The following AGBL4 variants were observed in gnomAD, a reference collection of about 807,000 sequenced individuals.
AGBL4 encodes the protein AGBL carboxypeptidase 4.
A neutral mutation model predicts 66.4 loss-of-function variants in AGBL4; 58 were observed. That is an observed-to-expected ratio of 0.87 (90% CI 0.71 to 1.09). AGBL4 has a LOEUF of 1.09. Among genes scored for constraint, AGBL4 ranks in the 50% least tolerant of loss-of-function variants. The probability of loss-of-function intolerance (pLI) is 0.00; values close to 1 mark genes in which losing one functional copy is unlikely to be tolerated. For missense variants in AGBL4, 579 were observed against 631.0 expected (o/e 0.92, Z 0.88); for synonymous variants, 234 against 222.9 (o/e 1.05, Z -0.44).
chr1:49,940,712 T>G (rs1323463095), intron 1 of AGBL4, among the ~76,000 whole-genome samples: 2 of 149,052 alleles, frequency 1.3e-5, no homozygotes, highest in East Asian at 4.0e-4. Context: ...GGGGTGGGGG[T>G]ATGGGGGAGG....
chr1:48,984,844 G>A (rs1244953620), intron 5 of AGBL4, among the ~76,000 whole-genome samples: 1 of 151,896 alleles, frequency 6.6e-6, no homozygotes, highest in Admixed American at 6.6e-5. Context: ...ATAGTGAACA[G>A]GGAAGGCCTT....
At chr1:48,848,200 C>T (rs547924994) in intron 6 of AGBL4, among the ~76,000 whole-genome samples, 3 of 152,230 alleles carry the variant, frequency 2.0e-5, no homozygotes, top group Non-Finnish European at 4.4e-5. Flanking sequence ...GTGAAAACCA[C>T]TATTCCCCTT....
chr1:48,736,389 C>T lies in AGBL4; in HGVS notation c.635-73148G>A, dbSNP rs1478641396. The T allele has an allele frequency of 6.2e-7, 1 of 1,614,118 alleles. No homozygotes were observed. The highest frequency in any genetic ancestry group is 1.1e-5 in the South Asian group (1 of 91,084). ...AAGTTCTTCGTGTACTTGGAATCTCCTTGGGTTACTTGTAGCTGGTGCCAT... is the reference window on the plus strand; with the variant it reads ...AAGTTCTTCGTGTACTTGGAATCTCTTTGGGTTACTTGTAGCTGGTGCCAT... On this transcript the variant is annotated intron_variant, in intron 6 of 13. Transcript: ENST00000371839. The surrounding 1 kb of genome is among the most constrained non-coding windows in gnomAD (Gnocchi z 4.0).
intron 4 of AGBL4, among the ~76,000 whole-genome samples, chr1:49,103,786 A>G (rs947074314): frequency 1.2e-4 from 19 of 152,298 alleles, no homozygotes; most frequent in African/African-American, 4.3e-4. Flanking sequence ...GGTCATCTAG[A>G]AAAACATGTT....
At chr1:49,072,941 C>A (rs778479189) in intron 4 of AGBL4, among the ~76,000 whole-genome samples, 9 of 152,120 alleles carry the variant, frequency 5.9e-5, no homozygotes, top group Non-Finnish European at 1.0e-4. Context: ...TTGTTCATTT[C>A]TTTTCACTCT....
intron 3 of AGBL4, among the ~76,000 whole-genome samples, chr1:49,346,608 G>T (rs1033510932): frequency 1.3e-5 from 2 of 152,124 alleles, no homozygotes; most frequent in Non-Finnish European, 2.9e-5. Flanking sequence ...TTCACCTTTT[G>T]TTGGGATTCA....
intron 1 of AGBL4, among the ~76,000 whole-genome samples, chr1:49,884,821 A>AAC (rs1376226261): frequency 1.3e-5 from 2 of 151,926 alleles, no homozygotes; most frequent in African/African-American, 4.8e-5. Flanking sequence ...GAAAATTATG[A>AAC]ACATATTTTG....
chr1:49,625,878 G>A (rs1645454677), intron 3 of AGBL4, among the ~76,000 whole-genome samples: 1 of 152,086 alleles, frequency 6.6e-6, no homozygotes, highest in Non-Finnish European at 1.5e-5. Flanking sequence ...GCCATGTAGA[G>A]GTATTTATAA....
At chr1:49,847,763 G>A (rs984655528) in intron 2 of AGBL4, among the ~76,000 whole-genome samples, 6 of 151,236 alleles carry the variant, frequency 4.0e-5, no homozygotes, top group Non-Finnish European at 5.9e-5. Flanking sequence ...GGGCAGTGGC[G>A]CGATCTCGGC....
intron 2 of AGBL4, among the ~76,000 whole-genome samples, chr1:49,805,735 A>G (rs1372839776): frequency 6.6e-6 from 1 of 152,190 alleles, no homozygotes; most frequent in Admixed American, 6.6e-5. Flanking sequence ...TGGATCCTTC[A>G]TAGATAAGAT....
At chr1:49,301,185 A>G (rs567367079) in intron 3 of AGBL4, among the ~76,000 whole-genome samples, 34 of 152,342 alleles carry the variant, frequency 2.2e-4, no homozygotes, top group African/African-American at 8.2e-4. Context: ...CATTTCAGCT[A>G]GGAGCTATCA....
At chr1:48,673,690 C>A (rs1443450600) in intron 6 of AGBL4, among the ~76,000 whole-genome samples, 1 of 152,216 alleles carries the variant, frequency 6.6e-6, no homozygotes, top group Non-Finnish European at 1.5e-5. Flanking sequence ...ACAAACCAAC[C>A]CATGCCTTGC....
intron 5 of AGBL4, among the ~76,000 whole-genome samples, chr1:48,968,952 C>T (rs1274051817): frequency 6.6e-6 from 1 of 152,124 alleles, no homozygotes; most frequent in African/African-American, 2.4e-5. Flanking sequence ...TCCAAAATAA[C>T]ATGTATTTAA....
At chr1:49,294,080 A>G (rs1644595380) in intron 3 of AGBL4, among the ~76,000 whole-genome samples, 1 of 152,224 alleles carries the variant, frequency 6.6e-6, no homozygotes, top group African/African-American at 2.4e-5. Flanking sequence ...ATGAAGTACT[A>G]GAGAAAGCAC....
At chr1:49,124,672 T>C (rs1280633138) in intron 4 of AGBL4, among the ~76,000 whole-genome samples, 1 of 152,212 alleles carries the variant, frequency 6.6e-6, no homozygotes, top group African/African-American at 2.4e-5. Context: ...GCACTAACAT[T>C]CTTATCATAC....
At chr1:49,174,350 G>C (rs376910001) in intron 4 of AGBL4, among the ~76,000 whole-genome samples, 2 of 152,090 alleles carry the variant, frequency 1.3e-5, no homozygotes, top group South Asian at 2.1e-4. Context: ...TTCTAAAAGA[G>C]AAGGATGGCA....
chr1:49,192,311 A>G (rs1647136635), intron 4 of AGBL4, among the ~76,000 whole-genome samples: 1 of 152,004 alleles, frequency 6.6e-6, no homozygotes, highest in African/African-American at 2.4e-5. Context: ...TTATTTATTT[A>G]TTTCGAGATG....
chr1:48,771,064 G>A (rs1479350123), intron 6 of AGBL4, among the ~76,000 whole-genome samples: 1 of 152,194 alleles, frequency 6.6e-6, no homozygotes, highest in African/African-American at 2.4e-5. Context: ...CTGGAACCAG[G>A]TGAGTATTTA....
intron 5 of AGBL4, among the ~76,000 whole-genome samples, chr1:48,894,059 A>G (rs1329542661): frequency 6.6e-6 from 1 of 152,198 alleles, no homozygotes; most frequent in Non-Finnish European, 1.5e-5. Flanking sequence ...GGCTGGTTTG[A>G]GGAAAAAATA....
Sources: gnomAD v4.1 joint callset for allele counts (sites outside exome capture counted in the v4.1 genomes callset) on GRCh38, gnomAD v4.1.1 for gene constraint, Gnocchi (gnomAD v3.1) non-coding constraint, MANE v1.5 for transcripts, NCBI Gene and HGNC (gene_info 2026-07-23, HGNC 2026-07-21) for gene names.